Variants in DCC observed in about 807,000 individuals in gnomAD.
DCC encodes netrin receptor DCC.
Under a neutral mutation model 172.5 loss-of-function variants are expected in DCC, and 58 were observed. The ratio of observed to expected loss-of-function variants is 0.34; its 90% CI spans 0.27 to 0.42. The LOEUF is 0.42. Among genes scored for constraint, DCC ranks in the 10% least tolerant of loss-of-function variants. The probability of loss-of-function intolerance (pLI) is 1.00; values close to 1 mark genes in which losing one functional copy is unlikely to be tolerated. For synonymous variants in DCC, 709 were observed against 644.5 expected (o/e 1.10, Z -1.52); for missense variants, 1,740 against 1,791.0 (o/e 0.97, Z 0.51).
chr18:53,349,127 T>A lies in DCC; in HGVS notation c.2359+9220T>A, dbSNP rs368957217. 3.1e-4 allele frequency among the ~76,000 whole-genome samples: 47 copies of A among 152,306 alleles called. No homozygotes were observed. The East Asian group carries it at 7.9e-3, about 26-fold the overall frequency. On this transcript the variant is annotated intron_variant, in intron 15 of 28. Transcript: ENST00000442544. The stretch of plus-strand genomic sequence containing the variant: ...CTGGATGCCTTTAATGGCACCAAAG[T>A]CACCTCTTGAATGCTTTGCTGCTGA...
chr18:53,092,795 C>T (rs1476963087), intron 7 of DCC, among the ~76,000 whole-genome samples: 1 of 152,116 alleles, frequency 6.6e-6, no homozygotes, highest in African/African-American at 2.4e-5. Flanking sequence ...TATACCAATC[C>T]AGTCCCCATC....
chr18:53,128,659 T>A (rs1476759425), intron 7 of DCC, among the ~76,000 whole-genome samples: 1 of 151,844 alleles, frequency 6.6e-6, no homozygotes, highest in Non-Finnish European at 1.5e-5. Context: ...TTAAGCATAT[T>A]TTTAGAATCC....
At chr18:53,496,036 A>G (rs1157990798) in intron 26 of DCC, among the ~76,000 whole-genome samples, 1 of 152,184 alleles carries the variant, frequency 6.6e-6, no homozygotes, top group Non-Finnish European at 1.5e-5. Flanking sequence ...CAGCTTCAGC[A>G]GACCTAAACG....
intron 21 of DCC, among the ~76,000 whole-genome samples, chr18:53,429,265 T>TTTGCCAGA (rs1911448905): frequency 6.8e-6 from 1 of 147,214 alleles, no homozygotes; most frequent in Non-Finnish European, 1.5e-5. Flanking sequence ...TAGAAGATGG[T>TTTGCCAGA]CTCTGCAAGA....
intron 15 of DCC, among the ~76,000 whole-genome samples, chr18:53,345,971 T>C (rs958524472): frequency 6.6e-6 from 1 of 151,946 alleles, no homozygotes; most frequent in African/African-American, 2.4e-5. Context: ...ATTATTTGAA[T>C]TTTTTTGTTT....
At chr18:52,437,284 G>A (rs969636382) in intron 1 of DCC, among the ~76,000 whole-genome samples, 1 of 152,214 alleles carries the variant, frequency 6.6e-6, no homozygotes, top group Non-Finnish European at 1.5e-5. Context: ...CCTGCCTGAT[G>A]TGGAGGGTTC....
At chr18:53,180,218 T>G (rs970068197) in intron 9 of DCC, among the ~76,000 whole-genome samples, 1 of 152,178 alleles carries the variant, frequency 6.6e-6, no homozygotes, top group Non-Finnish European at 1.5e-5. Context: ...ATCCTTTCTT[T>G]CATTTGGCCA....
chr18:52,791,333 G>A (rs376900938), intron 2 of DCC, among the ~76,000 whole-genome samples: 2 of 152,134 alleles, frequency 1.3e-5, no homozygotes, highest in African/African-American at 4.8e-5. Context: ...ATGCACCCCA[G>A]GGGAGTGCAT....
chr18:53,122,183 T>C (rs941722270), intron 7 of DCC, among the ~76,000 whole-genome samples: 1 of 152,034 alleles, frequency 6.6e-6, no homozygotes, highest in Non-Finnish European at 1.5e-5. Flanking sequence ...AAGAGATTGC[T>C]TGAGAAACTG....
intron 7 of DCC, among the ~76,000 whole-genome samples, chr18:53,122,436 C>T (rs938668020): frequency 6.6e-6 from 1 of 152,034 alleles, no homozygotes; most frequent in Non-Finnish European, 1.5e-5. Context: ...ATAATCACCA[C>T]TTCTCACAAT....
chr18:52,685,560 CGTT>C (rs1238922215), intron 1 of DCC, among the ~76,000 whole-genome samples: 4 of 151,958 alleles, frequency 2.6e-5, no homozygotes, highest in Non-Finnish European at 5.9e-5. Context: ...AGTAACTTCT[CGTT>C]GTGGCAGGAA....
At chr18:52,375,231 T>A (rs778825928) in intron 1 of DCC, among the ~76,000 whole-genome samples, 6 of 152,172 alleles carry the variant, frequency 3.9e-5, no homozygotes, top group Admixed American at 6.5e-5. Flanking sequence ...ATCTCTTTAC[T>A]ATGAGAGGAG....
At position 52,857,294 on chromosome 18, in the gene DCC, C is replaced by T. The variant is rs527674247; in HGVS notation, c.413-48750C>T. 1.6e-4 allele frequency among the ~76,000 whole-genome samples: 25 copies of T among 152,248 alleles called. 1 individual carries two copies. The South Asian group carries it at 4.3e-3, about 26-fold the overall frequency. On this transcript the variant is annotated intron_variant, in intron 2 of 28. Coordinates refer to ENST00000442544, the MANE Select transcript of DCC (RefSeq NM_005215.4). ...GCTATCCTTGCTCTAAAGATACATG[C>T]TAATGGATGGGCAAGAGTAGCATTA...
At chr18:53,445,696 A>G (rs973770839) in intron 22 of DCC, among the ~76,000 whole-genome samples, 3 of 152,204 alleles carry the variant, frequency 2.0e-5, no homozygotes, top group Non-Finnish European at 2.9e-5. Flanking sequence ...TTAATATTTA[A>G]TAAGTCTTTA....
At chr18:52,509,799 C>A (rs2031368047) in intron 1 of DCC, among the ~76,000 whole-genome samples, 1 of 152,186 alleles carries the variant, frequency 6.6e-6, no homozygotes, top group African/African-American at 2.4e-5. Context: ...TTGCCCCTCT[C>A]TTGATTAAGT....
At chr18:52,500,257 G>A (rs537330171) in intron 1 of DCC, among the ~76,000 whole-genome samples, 1 of 152,200 alleles carries the variant, frequency 6.6e-6, no homozygotes, top group South Asian at 2.1e-4. Context: ...TGCAAACAAT[G>A]CACCTCAAGT....
chr18:52,854,575 C>T (rs1199220078), intron 2 of DCC, among the ~76,000 whole-genome samples: 1 of 152,114 alleles, frequency 6.6e-6, no homozygotes, highest in Non-Finnish European at 1.5e-5. Flanking sequence ...ATTAACCAGG[C>T]ATCCTTCATC....
At chr18:53,123,471 C>T (rs1188627993) in intron 7 of DCC, among the ~76,000 whole-genome samples, 2 of 152,038 alleles carry the variant, frequency 1.3e-5, no homozygotes, top group Non-Finnish European at 2.9e-5. Flanking sequence ...AGAGGCCCTG[C>T]AAGTCATTCT....
chr18:52,759,989 T>G (rs1026791406), intron 2 of DCC, among the ~76,000 whole-genome samples: 3 of 152,190 alleles, frequency 2.0e-5, no homozygotes, highest in Non-Finnish European at 2.9e-5. Flanking sequence ...CTGGGGGAAC[T>G]TGAGTAAGGT....
Sources: allele counts gnomAD v4.1 joint callset (sites outside exome capture counted in the v4.1 genomes callset), GRCh38; gene constraint gnomAD v4.1.1; transcripts MANE v1.5; gene names NCBI Gene and HGNC (gene_info 2026-07-23, HGNC 2026-07-21).